Variants in ZNF285 observed in about 807,000 individuals in gnomAD.
The protein encoded by ZNF285 is zinc finger protein 285A.
In ZNF285, 4 loss-of-function variants were observed where a neutral mutation model predicts 6.2. The ratio of observed to expected loss-of-function variants is 0.65; its 90% CI spans 0.32 to 1.49. The LOEUF is 1.49. Among genes scored for constraint, ZNF285 ranks in the 40% most tolerant of loss-of-function variants. ZNF285 has a pLI of 0.07. For synonymous variants in ZNF285, 240 were observed against 245.8 expected (o/e 0.98, Z 0.22); for missense variants, 695 against 708.8 (o/e 0.98, Z 0.22).
At chr19:44,391,028 T>C (rs12709877) in intron 3 of ZNF285, among the ~76,000 whole-genome samples, 39,980 of 151,574 alleles carry the variant, frequency 0.26, 8,850 homozygotes, top group African/African-American at 0.58. Context: ...GTGGTGCATG[T>C]CTGTAGTCCC....
At chr19:44,401,216 C>T (rs1358683746) in intron 1 of ZNF285, among the ~76,000 whole-genome samples, 2 of 152,182 alleles carry the variant, frequency 1.3e-5, no homozygotes, top group African/African-American at 4.8e-5. Flanking sequence ...TGAGCCAGCG[C>T]CCCTCTGCCC....
intron 1 of ZNF285, among the ~76,000 whole-genome samples, chr19:44,399,994 G>C (rs1971349092): frequency 6.6e-6 from 1 of 150,438 alleles, no homozygotes; most frequent in Non-Finnish European, 1.5e-5. Flanking sequence ...GAGAGAACTG[G>C]GGGACAAGAT....
rs1374344605 is a variant in ZNF285 at position 44,387,649 on chromosome 19, T to A, written c.596A>T (p.Lys199Ile). 20 of 1,613,900 alleles carry A rather than the reference T, an allele frequency of 1.2e-5. No homozygotes were observed. Among genetic ancestry groups the A allele is most frequent in the Non-Finnish European group, 1.6e-5 (19 of 1,179,856 alleles). Residue 199 changes from lysine to isoleucine, a missense_variant, in exon 4 of 4, where the codon AAA becomes ATA. Transcript: ENST00000614994. The stretch of plus-strand genomic sequence containing the variant: ...GGGATGTCTACCAGGGTCCTCTCCT[T>A]TACATTCTTGGGACTCATGATGATC... ...SCDHHESQEC[K>I]GEDPGRHPSC...
chr19:44,399,512 T>A (rs897186305), intron 1 of ZNF285, among the ~76,000 whole-genome samples: 1 of 149,940 alleles, frequency 6.7e-6, no homozygotes, highest in Non-Finnish European at 1.5e-5. Flanking sequence ...TAGAATTGGC[T>A]TGGATATTAT....
intron 1 of ZNF285, among the ~76,000 whole-genome samples, chr19:44,398,794 G>A (rs1463039393): frequency 3.9e-5 from 6 of 151,956 alleles, no homozygotes; most frequent in African/African-American, 1.5e-4. Flanking sequence ...GTATAAAATT[G>A]CCACTTTAAG....
chr19:44,388,195 CCCTGGGTTCTATTGACGT>C lies in ZNF285; in HGVS notation c.143-111_143-94del. The C allele has an allele frequency of 2.5e-6, 3 of 1,203,364 alleles. No homozygotes were observed. The African/African-American group carries it at 4.6e-5, about 18-fold the overall frequency. 74.5% of individuals were successfully genotyped at this position (1,203,364 alleles called of 1,614,324 possible). A position where few individuals can be genotyped will look rare whatever the true frequency, so the allele number is the denominator to read the frequency against. ...GTAATATGATGGGGTGGGAAGTTGTCCCTGGGTTCTATTGACGTATGAAACAATTAGAGCCACGGTAAT... is the reference window on the plus strand; with the variant it reads ...GTAATATGATGGGGTGGGAAGTTGTCATGAAACAATTAGAGCCACGGTAAT... On this transcript the variant is annotated intron_variant, in intron 3 of 3. Transcript: ENST00000614994.
In ZNF285 at chr19:44,386,858, T is replaced by C. The variant is rs1254137429; in HGVS notation, c.1387A>G (p.Lys463Glu). ...AGAACAGAGCTATACGCAAAATCCT[T>C]TCCACACACATTGCATTTGTATGGT... Reference protein sequence around the residue: ...EKPYKCNVCGKDFAYSSVLHT... With the variant: ...EKPYKCNVCGEDFAYSSVLHT... The change falls in exon 4 of 4, where the codon AAG becomes GAG. Residue 463 changes from lysine to glutamate, a missense_variant. Lys to Glu is a moderately conservative substitution (Grantham distance 56, BLOSUM62 1). Transcript: ENST00000614994. The C allele has an allele frequency of 6.2e-7, 1 of 1,614,244 alleles. No individual in the cohort carries two copies. Among genetic ancestry groups the C allele is most frequent in the East Asian group, 2.2e-5 (1 of 44,892 alleles).
rs550142846 is a variant in ZNF285 at position 44,393,230 on chromosome 19, CAT to C, written c.16-766_16-765del. Among the ~76,000 whole-genome samples, 67 of 152,174 alleles carry C rather than the reference CAT, an allele frequency of 4.4e-4. 1 individual carries two copies. The highest frequency in any genetic ancestry group is 1.4e-3 in the African/African-American group (58 of 41,494). On this transcript the variant is annotated intron_variant, in intron 2 of 3. Coordinates refer to ENST00000614994, the MANE Select transcript of ZNF285 (RefSeq NM_152354.6). ...CTGGGTCAATCAAATAAAATATAGA[CAT>C]GTGTGTGTATATATGTATATTATAC...
rs773513335 is a variant in ZNF285 at position 44,387,637 on chromosome 19, G to C, written c.608C>G (p.Pro203Arg). ...TTTCCCACAGCTGGGATGTCTACCA[G>C]GGTCCTCTCCTTTACATTCTTGGGA... The part of the protein sequence containing the change: ...HESQECKGED[P>R]GRHPSCGKNL... Residue 203 changes from proline (P) to arginine (R), a missense_variant, in exon 4 of 4, where the codon CCT (proline) becomes CGT (arginine). Physicochemically the swap from Pro to Arg is moderately radical, Grantham distance 103. Transcript: ENST00000614994. The C allele has an allele frequency of 1.9e-6, 3 of 1,613,850 alleles. No individual in the cohort carries two copies. The South Asian group carries it at 3.3e-5, about 18-fold the overall frequency.
intron 3 of ZNF285, among the ~76,000 whole-genome samples, chr19:44,391,168 A>C (rs1174427757): frequency 6.6e-6 from 1 of 151,092 alleles, no homozygotes; most frequent in Non-Finnish European, 1.5e-5. Flanking sequence ...AAAAAAAAAA[A>C]GATTTCCCTG....
chr19:44,389,424 C>T (rs8110413), intron 3 of ZNF285, among the ~76,000 whole-genome samples: 16,360 of 152,050 alleles, frequency 0.11, 1,343 homozygotes, highest in Admixed American at 0.25. Context: ...TGAGCTGCCC[C>T]GAATGGGCTT....
rs1392285763 is a variant in ZNF285 at position 44,388,103 on chromosome 19, C to T, written c.143-1G>A. The T allele has an allele frequency of 6.2e-7, 1 of 1,608,142 alleles. No individual in the cohort carries two copies. The highest frequency in any genetic ancestry group is 1.7e-5 in the Admixed American group (1 of 59,114). ...AAAATGTTGTTTTTAATCCCGTCTCCTAGGAGAAGAAAGAGAATTTGGCTA... is the reference window on the plus strand; with the variant it reads ...AAAATGTTGTTTTTAATCCCGTCTCTTAGGAGAAGAAAGAGAATTTGGCTA... On this transcript the variant is annotated splice_acceptor_variant, in intron 3 of 3. Transcript: ENST00000614994. LOFTEE classifies it high-confidence loss of function.
intron 2 of ZNF285, among the ~76,000 whole-genome samples, chr19:44,394,320 G>C (rs1971244441): frequency 6.6e-6 from 1 of 151,976 alleles, no homozygotes; most frequent in Non-Finnish European, 1.5e-5. Context: ...TAAATGATGA[G>C]TTAATGGGTG....
At position 44,384,153 on chromosome 19, in the gene ZNF285, G is replaced by T. The variant is rs1445780186; in HGVS notation, c.*2319C>A. ...ACAATAACATGTGGACATTTTTATA[G>T]GTCTAGATCATTGTTGATGGAGCCA... On this transcript the variant is annotated 3_prime_UTR_variant, in exon 4 of 4. Transcript: ENST00000614994. 1 of 152,130 alleles carries T rather than the reference G, an allele frequency of 6.6e-6. No individual in the cohort carries two copies. Among genetic ancestry groups the T allele is most frequent in the Non-Finnish European group, 1.5e-5 (1 of 68,004 alleles). 9.4% of individuals were successfully genotyped at this position (152,130 alleles called of 1,614,324 possible).
At chr19:44,398,584 G>A (rs572334977) in intron 1 of ZNF285, among the ~76,000 whole-genome samples, 1 of 152,134 alleles carries the variant, frequency 6.6e-6, no homozygotes, top group East Asian at 1.9e-4. Flanking sequence ...AAGTCAGTAA[G>A]TTACCCTGCT....
intron 3 of ZNF285, among the ~76,000 whole-genome samples, chr19:44,390,131 T>C (rs1251935333): frequency 1.3e-5 from 2 of 152,162 alleles, no homozygotes; most frequent in Non-Finnish European, 2.9e-5. Flanking sequence ...ACTAGGGCAC[T>C]GCCTATTGGA....
At chr19:44,390,177 G>A (rs1448761807) in intron 3 of ZNF285, among the ~76,000 whole-genome samples, 1 of 148,870 alleles carries the variant, frequency 6.7e-6, no homozygotes. Flanking sequence ...TCAGACCCCA[G>A]AATGCTAGAT....
chr19:44,398,301 G>GC (rs1262821210), intron 1 of ZNF285, among the ~76,000 whole-genome samples: 1 of 152,080 alleles, frequency 6.6e-6, no homozygotes, highest in African/African-American at 2.4e-5. Flanking sequence ...ATACACTAAA[G>GC]CCCCTTCCTG....
At position 44,382,645 on chromosome 19, in the gene ZNF285, A is replaced by G. The variant is rs969449441; in HGVS notation, c.*3827T>C. ...AAGGCACAGGACCACAATTTCTCATACCACTTGAAGAAGCACCAGGGCCTG... is the reference window on the plus strand; with the variant it reads ...AAGGCACAGGACCACAATTTCTCATGCCACTTGAAGAAGCACCAGGGCCTG... On this transcript the variant is annotated 3_prime_UTR_variant, in exon 4 of 4. Coordinates refer to ENST00000614994, the MANE Select transcript of ZNF285 (RefSeq NM_152354.6). 7 of 152,190 alleles carry G rather than the reference A, an allele frequency of 4.6e-5. No homozygotes were observed. The highest frequency in any genetic ancestry group is 1.7e-4 in the African/African-American group (7 of 41,418). The allele number at this position is 152,190 out of a possible 1,614,324, so 9.4% of individuals were successfully genotyped here.
Sources: gnomAD v4.1 joint callset for allele counts (sites outside exome capture counted in the v4.1 genomes callset) on GRCh38, gnomAD v4.1.1 for gene constraint, MANE v1.5 for transcripts, NCBI Gene and HGNC (gene_info 2026-07-23, HGNC 2026-07-21) for gene names.